The following VPS8 variants were observed in gnomAD, a reference collection of about 807,000 sequenced individuals.
VPS8 encodes vacuolar protein sorting-associated protein 8 homolog.
A neutral mutation model predicts 216.4 loss-of-function variants in VPS8; 129 were observed. That is an observed-to-expected ratio of 0.60 (90% CI 0.52 to 0.69). The LOEUF (loss-of-function observed/expected upper bound fraction) is 0.69, where lower values mean the gene tolerates loss of function less well. Ranked by LOEUF, VPS8 falls within the 30% of genes least tolerant of loss-of-function variation. The pLI is 0.00. For missense variants in VPS8, 1,531 were observed against 1,683.5 expected, an observed-to-expected ratio of 0.91 and a Z score of 1.59; for synonymous variants, 571 against 565.4, an observed-to-expected ratio of 1.01 and a Z score of -0.14.
chr3:184,944,426 T>A (rs1443180742), intron 36 of VPS8: 1 of 824,122 alleles, frequency 1.2e-6, no homozygotes, highest in Admixed American at 6.2e-5. Flanking sequence ...TCTACCCCCA[T>A]CCCCTGGGTG....
chr3:185,009,092 T>C (rs1246667005), intron 45 of VPS8, among the ~76,000 whole-genome samples: 1 of 152,234 alleles, frequency 6.6e-6, no homozygotes, highest in Non-Finnish European at 1.5e-5. Flanking sequence ...TCCAGAGCTG[T>C]ATAGCAGTCA....
intron 15 of VPS8, among the ~76,000 whole-genome samples, chr3:184,862,659 A>G (rs1450292534): frequency 6.6e-6 from 1 of 152,224 alleles, no homozygotes; most frequent in African/African-American, 2.4e-5. Context: ...TACAGCTTTT[A>G]GTCTTCTTTT....
chr3:185,039,864 A>G (rs375798662), intron 46 of VPS8, among the ~76,000 whole-genome samples: 59 of 152,232 alleles, frequency 3.9e-4, no homozygotes, highest in African/African-American at 1.4e-3. Flanking sequence ...GCTTCTAGCC[A>G]ATTTCAACCT....
intron 30 of VPS8, among the ~76,000 whole-genome samples, chr3:184,925,618 A>G (rs1165756863): frequency 6.6e-6 from 1 of 152,154 alleles, no homozygotes; most frequent in Non-Finnish European, 1.5e-5. Flanking sequence ...TATTATTAGC[A>G]GTAAATATTA....
chr3:184,846,178 C>T (rs1180402101), intron 8 of VPS8, among the ~76,000 whole-genome samples: 1 of 152,088 alleles, frequency 6.6e-6, no homozygotes, highest in Non-Finnish European at 1.5e-5. Flanking sequence ...GTCATGATAC[C>T]TTCTAAAGGA....
In VPS8 at chr3:184,915,000, G is replaced by T; in HGVS notation, c.2209G>T (p.Ala737Ser). Residue 737 changes from alanine (A) to serine (S), a missense_variant, in exon 27 of 48, where the codon GCC (alanine) becomes TCC (serine). Physicochemically the swap from Ala to Ser is moderately conservative, Grantham distance 99. Coordinates refer to ENST00000625842, the MANE Select transcript of VPS8 (RefSeq NM_001009921.3). ...TTCTAGCTGTTGTCTAGCAGGTCGTGCCTATCCCCTTGGTGACATCCCTGA... is the reference window on the plus strand; with the variant it reads ...TTCTAGCTGTTGTCTAGCAGGTCGTTCCTATCCCCTTGGTGACATCCCTGA... ...VYISCCLAGR[A>S]YPLGDIPEDL... 6.2e-7 allele frequency: 1 copy of T among 1,614,014 alleles called. No homozygotes were observed. Among genetic ancestry groups the T allele is most frequent in the Non-Finnish European group, 8.5e-7 (1 of 1,179,886 alleles).
intron 46 of VPS8, among the ~76,000 whole-genome samples, chr3:185,024,660 A>C (rs1480737553): frequency 3.9e-5 from 6 of 152,220 alleles, no homozygotes; most frequent in Non-Finnish European, 7.3e-5. Flanking sequence ...AATGAGTGGT[A>C]GTAGGTGAAA....
intron 46 of VPS8, among the ~76,000 whole-genome samples, chr3:185,040,060 C>T (rs1028479591): frequency 6.6e-6 from 1 of 152,132 alleles, no homozygotes; most frequent in Non-Finnish European, 1.5e-5. Context: ...TTTTAAACAA[C>T]CACCTCTCAT....
At chr3:185,002,424 G>T (rs953969342) in intron 45 of VPS8, among the ~76,000 whole-genome samples, 1 of 152,098 alleles carries the variant, frequency 6.6e-6, no homozygotes, top group Non-Finnish European at 1.5e-5. Context: ...ATCAAGAAAG[G>T]TTCGGAAACC....
intron 47 of VPS8, 50 bp downstream of exon 47, chr3:185,048,609 C>T (rs1447467267): frequency 1.3e-6 from 2 of 1,597,826 alleles, no homozygotes; most frequent in African/African-American, 2.7e-5. Flanking sequence ...TTATAGTTTA[C>T]TGCTTTAGAC....
chr3:184,970,977 G>T (rs1748310039), intron 39 of VPS8, among the ~76,000 whole-genome samples: 1 of 152,176 alleles, frequency 6.6e-6, no homozygotes, highest in African/African-American at 2.4e-5. Flanking sequence ...CAAAGATGAA[G>T]ATTTATAAAC....
intron 40 of VPS8, among the ~76,000 whole-genome samples, chr3:184,979,582 G>C (rs1749850713): frequency 6.6e-6 from 1 of 151,974 alleles, no homozygotes; most frequent in African/African-American, 2.4e-5. Flanking sequence ...GTTCATTGTT[G>C]TTTTAAAGTC....
chr3:184,817,620 C>T (rs1716620740), intron 1 of VPS8, among the ~76,000 whole-genome samples: 1 of 152,228 alleles, frequency 6.6e-6, no homozygotes, highest in Non-Finnish European at 1.5e-5. Flanking sequence ...TCAATTATAA[C>T]TTGGCTTCTT....
At chr3:184,940,402 A>G (rs924344300) in intron 36 of VPS8, among the ~76,000 whole-genome samples, 159 bp downstream of exon 36, 6 of 152,146 alleles carry the variant, frequency 3.9e-5, no homozygotes, top group African/African-American at 1.4e-4. Context: ...ATGTGAAAAT[A>G]GAAGATCTGA....
intron 21 of VPS8, among the ~76,000 whole-genome samples, chr3:184,877,145 T>C (rs1262398370): frequency 1.3e-5 from 2 of 152,192 alleles, no homozygotes; most frequent in African/African-American, 4.8e-5. Flanking sequence ...TCCTTTCTCA[T>C]TTCTTTGTAG....
At chr3:184,855,863 T>A (rs1725154219) in intron 14 of VPS8, 45 bp downstream of exon 14, 2 of 1,461,388 alleles carry the variant, frequency 1.4e-6, no homozygotes, top group African/African-American at 1.4e-5. Flanking sequence ...CAATTTTTTT[T>A]ATTCATCAGC....
chr3:184,846,252 A>T (rs1343316914), intron 8 of VPS8, among the ~76,000 whole-genome samples: 1 of 152,228 alleles, frequency 6.6e-6, no homozygotes, highest in Non-Finnish European at 1.5e-5. Context: ...GTTTCCATTA[A>T]CAGATTTGTG....
chr3:184,974,969 A>G (rs1449416263), intron 40 of VPS8, among the ~76,000 whole-genome samples: 1 of 152,146 alleles, frequency 6.6e-6, no homozygotes, highest in Non-Finnish European at 1.5e-5. Context: ...GCTTTGTAAT[A>G]TATTTTGACA....
chr3:184,944,168 T>C (rs903629484), intron 36 of VPS8, among the ~76,000 whole-genome samples: 1 of 152,228 alleles, frequency 6.6e-6, no homozygotes, highest in African/African-American at 2.4e-5. Flanking sequence ...TGTGGATATT[T>C]CTCTATGTCT....
Sources: allele counts gnomAD v4.1 joint callset (sites outside exome capture counted in the v4.1 genomes callset), GRCh38; gene constraint gnomAD v4.1.1; transcripts MANE v1.5; gene names NCBI Gene and HGNC (gene_info 2026-07-23, HGNC 2026-07-21).